SEMA3A: variants seen among roughly 807,000 people sequenced by gnomAD.
SEMA3A encodes the protein semaphorin 3A, also known as semaphorin-3A.
A neutral mutation model predicts 97.9 loss-of-function variants in SEMA3A; 29 were observed. That is an observed-to-expected ratio of 0.30 (90% confidence interval 0.22 to 0.40). The LOEUF (loss-of-function observed/expected upper bound fraction) is 0.40. Ranked by LOEUF, SEMA3A falls within the 10% of genes least tolerant of loss-of-function variation. SEMA3A has a pLI of 1.00. For missense variants in SEMA3A, 763 were observed against 951.3 expected (o/e 0.80, Z 2.60); for synonymous variants, 321 against 323.7 (o/e 0.99, Z 0.09).
At chr7:84,470,911 A>G (rs994681452) in intron 1 of SEMA3A, among the ~76,000 whole-genome samples, 3 of 152,032 alleles carry the variant, frequency 2.0e-5, no homozygotes, top group East Asian at 1.9e-4. Flanking sequence ...TTTGGGTCAG[A>G]GGGAAAAATA....
chr7:84,270,531 T>C (rs1800118536), intron 3 of SEMA3A, among the ~76,000 whole-genome samples: 1 of 148,400 alleles, frequency 6.7e-6, no homozygotes, highest in Non-Finnish European at 1.5e-5. Context: ...TGCATATATA[T>C]GAATAATATA....
At position 84,049,171 on chromosome 7, in the gene SEMA3A, C is replaced by A. The variant is rs942735637; in HGVS notation, c.548-2728G>T. On this transcript the variant is annotated intron_variant, in intron 5 of 16. Coordinates refer to ENST00000265362, the MANE Select transcript of SEMA3A (RefSeq NM_006080.3). ...CCAAAATAAGTATGCAGTTTAGGCA[C>A]CAGTTGCCTCCAGCTATAGGAAATT... 2.6e-5 allele frequency among the ~76,000 whole-genome samples: 4 copies of A among 152,128 alleles called. No homozygotes were observed. In the South Asian group the frequency reaches 6.2e-4, roughly 24 times the overall value.
At position 84,215,621 on chromosome 7, in the gene SEMA3A, T is replaced by C. The variant is rs1042387006; in HGVS notation, c.-82-20953A>G. 8.3e-5 allele frequency among the ~76,000 whole-genome samples: 11 copies of C among 132,440 alleles called. No individual in the cohort carries two copies. The East Asian group carries it at 1.2e-3, about 14-fold the overall frequency. 86.9% of individuals were successfully genotyped at this position (132,440 alleles called of 152,430 possible). Reference sequence around the variant, plus strand: ...TTGCCATCTGCCATATTATATGCCTTACTTGTTTATGTGGATTCTATTAAC... The same window carrying C: ...TTGCCATCTGCCATATTATATGCCTCACTTGTTTATGTGGATTCTATTAAC... On this transcript the variant is annotated intron_variant, in intron 3 of 3. Coordinates refer to the SEMA3A transcript ENST00000424555.
chr7:83,999,109 C>T (rs186130807), intron 12 of SEMA3A, among the ~76,000 whole-genome samples: 97 of 152,142 alleles, frequency 6.4e-4, no homozygotes, highest in Non-Finnish European at 1.1e-3. Context: ...AAATGTTAGG[C>T]AATAGGAAAT....
At chr7:84,036,189 C>G (rs1229729203) in intron 6 of SEMA3A, among the ~76,000 whole-genome samples, 2 of 151,914 alleles carry the variant, frequency 1.3e-5, no homozygotes, top group African/African-American at 4.8e-5. Context: ...GATAGTAACT[C>G]CTCCCTTACT....
At chr7:84,046,171 G>A (rs1031860712) in intron 6 of SEMA3A, among the ~76,000 whole-genome samples, 153 bp downstream of exon 6, 2 of 151,820 alleles carry the variant, frequency 1.3e-5, no homozygotes, top group Non-Finnish European at 2.9e-5. Context: ...TTTCTTTGCC[G>A]AACTTTCTCA....
At chr7:84,112,005 T>G (rs3801641) in intron 3 of SEMA3A, among the ~76,000 whole-genome samples, 2 of 151,906 alleles carry the variant, frequency 1.3e-5, no homozygotes, top group Non-Finnish European at 2.9e-5. Flanking sequence ...CCCAAGAGAA[T>G]AGGGCATGAA....
chr7:84,269,458 A>C lies in SEMA3A; in HGVS notation c.-83+37749T>G, dbSNP rs544625755. Among the ~76,000 whole-genome samples, 6 of 150,442 alleles carry C rather than the reference A, an allele frequency of 4.0e-5. No individual in the cohort carries two copies. The East Asian group carries it at 1.2e-3, about 29-fold the overall frequency. ...AGCCTTCTAGCATCACAGAAATTTT[A>C]GAGCTTATAGGGACCTAGGAGATAA... On this transcript the variant is annotated intron_variant, in intron 3 of 3. Transcript: ENST00000424555.
chr7:84,033,052 C>G (rs1268451584), intron 6 of SEMA3A, among the ~76,000 whole-genome samples: 2 of 151,910 alleles, frequency 1.3e-5, no homozygotes, highest in African/African-American at 4.8e-5. Flanking sequence ...AAAAAAATTG[C>G]AAATTACTAC....
chr7:84,067,913 C>T (rs1419753000), intron 4 of SEMA3A, among the ~76,000 whole-genome samples: 1 of 146,878 alleles, frequency 6.8e-6, no homozygotes, highest in Non-Finnish European at 1.5e-5. Flanking sequence ...CCCAGCCATC[C>T]CATTACTGGG....
chr7:84,479,748 C>T (rs1210641166), intron 1 of SEMA3A, among the ~76,000 whole-genome samples: 1 of 152,064 alleles, frequency 6.6e-6, no homozygotes, highest in Admixed American at 6.5e-5. Context: ...GTCAATGACA[C>T]GATGTACCAT....
chr7:84,283,253 C>G (rs1800494422), intron 3 of SEMA3A, among the ~76,000 whole-genome samples: 1 of 152,018 alleles, frequency 6.6e-6, no homozygotes, highest in Non-Finnish European at 1.5e-5. Context: ...CCGATGAACA[C>G]ATACTAACCA....
chr7:84,067,483 G>A (rs1463954358), intron 4 of SEMA3A, among the ~76,000 whole-genome samples: 1 of 150,768 alleles, frequency 6.6e-6, no homozygotes, highest in East Asian at 1.9e-4. Flanking sequence ...GAGTGAACAG[G>A]CAACCTACAA....
rs538635356 is a variant in SEMA3A at position 84,216,289 on chromosome 7, T to C, written c.-82-21621A>G. ...ACCCGGCTAATTTTTGTATTTTTAGTAGAGACGGGGTTTTACCATGTTGGC... is the reference window on the plus strand; with the variant it reads ...ACCCGGCTAATTTTTGTATTTTTAGCAGAGACGGGGTTTTACCATGTTGGC... On this transcript the variant is annotated intron_variant, in intron 3 of 3. Coordinates refer to the SEMA3A transcript ENST00000424555. Among the ~76,000 whole-genome samples, 125 of 152,202 alleles carry C rather than the reference T, an allele frequency of 8.2e-4. 1 individual carries two copies. Among genetic ancestry groups the C allele is most frequent in the African/African-American group, 2.8e-3 (116 of 41,546 alleles).
intron 3 of SEMA3A, 55 bp from the exon 4 acceptor site, chr7:84,110,644 C>T: frequency 6.3e-7 from 1 of 1,587,614 alleles, no homozygotes; most frequent in South Asian, 1.2e-5. Context: ...ACTGAGGTAT[C>T]CTCTAGGGTG....
intron 1 of SEMA3A, among the ~76,000 whole-genome samples, chr7:84,424,878 A>ATTT (rs1199316613): frequency 1.8e-4 from 12 of 65,184 alleles, no homozygotes; most frequent in Admixed American, 9.5e-4. Flanking sequence ...ATAAATATAT[A>ATTT]ATATTATATA....
At chr7:84,259,937 C>T (rs1307387036) in intron 3 of SEMA3A, among the ~76,000 whole-genome samples, 2 of 152,062 alleles carry the variant, frequency 1.3e-5, no homozygotes, top group African/African-American at 2.4e-5. Flanking sequence ...TTCTAGAGCA[C>T]AGCTCATTGT....
At chr7:84,080,215 G>A (rs1375548582) in intron 4 of SEMA3A, among the ~76,000 whole-genome samples, 1 of 89,418 alleles carries the variant, frequency 1.1e-5, no homozygotes, top group African/African-American at 5.3e-5. Context: ...GGTGGGGGGA[G>A]GGGGTAGGGA....
intron 2 of SEMA3A, among the ~76,000 whole-genome samples, chr7:84,365,535 A>G (rs1176175335): frequency 2.6e-5 from 4 of 151,598 alleles, no homozygotes; most frequent in Non-Finnish European, 5.9e-5. Flanking sequence ...CACTTTTGCG[A>G]AGACTTCTTT....
Sources: gnomAD v4.1 joint callset for allele counts (sites outside exome capture counted in the v4.1 genomes callset) on GRCh38, gnomAD v4.1.1 for gene constraint, MANE v1.5 for transcripts, NCBI Gene and HGNC (gene_info 2026-07-23, HGNC 2026-07-21) for gene names.